Variants in DNAH14 observed in about 807,000 individuals in gnomAD.
DNAH14 encodes axonemal beta dynein heavy chain 14.
A neutral mutation model predicts 520.9 loss-of-function variants in DNAH14; 478 were observed. The observed-to-expected ratio is 0.92, with a 90% CI of 0.85 to 0.99. The LOEUF (loss-of-function observed/expected upper bound fraction) is 0.99. Ranked by LOEUF, DNAH14 falls within the 50% of genes least tolerant of loss-of-function variation. The pLI is 0.00. For synonymous variants in DNAH14, 1,581 were observed against 1,757.2 expected (o/e 0.90, Z 2.51); for missense variants, 4,831 against 5,234.5 (o/e 0.92, Z 2.38).
intron 46 of DNAH14, among the ~76,000 whole-genome samples, chr1:225,262,307 T>C (rs1235828400): frequency 2.6e-5 from 4 of 151,932 alleles, no homozygotes; most frequent in Non-Finnish European, 5.9e-5. Context: ...GTGTACTCTG[T>C]TTATTATTTC....
Position 225,079,676 on chromosome 1 carries a change from T to C in DNAH14, c.2766+128T>C, listed in dbSNP as rs903156304. The stretch of plus-strand genomic sequence containing the variant: ...AAATAGTTTAATACAAGTATTCTTT[T>C]TTTTTTTTTTTTTTTGAGATGGAGT... On this transcript the variant is annotated intron_variant, in intron 18 of 85. Coordinates refer to ENST00000682510, the MANE Select transcript of DNAH14 (RefSeq NM_001367479.1). The C allele has an allele frequency of 8.3e-6, 5 of 600,180 alleles. No homozygotes were observed. In the African/African-American group the frequency reaches 1.0e-4, roughly 12 times the overall value. 37.2% of individuals were successfully genotyped at this position (600,180 alleles called of 1,614,324 possible).
At chr1:225,084,812 A>AGTAT (rs1558905939) in intron 20 of DNAH14, among the ~76,000 whole-genome samples, 5 of 14,630 alleles carry the variant, frequency 3.4e-4, no homozygotes, top group African/African-American at 4.1e-4. Flanking sequence ...CACTTCACTG[A>AGTAT]AATTTTGCTT....
At chr1:225,007,111 C>T (rs948598729) in intron 9 of DNAH14, among the ~76,000 whole-genome samples, 1 of 152,148 alleles carries the variant, frequency 6.6e-6, no homozygotes, top group Admixed American at 6.5e-5. Context: ...AAAGTAGTTT[C>T]TGGGATTGGT....
chr1:225,235,513 ATC>A (rs2091511518), intron 42 of DNAH14, among the ~76,000 whole-genome samples: 1 of 151,706 alleles, frequency 6.6e-6, no homozygotes, highest in Non-Finnish European at 1.5e-5. Flanking sequence ...TTTTTGTTAT[ATC>A]TCTGCCAAGT....
chr1:225,210,089 C>T lies in DNAH14; in HGVS notation c.6439+2869C>T, dbSNP rs763925453. Among the ~76,000 whole-genome samples the T allele has an allele frequency of 1.3e-4, 20 of 151,894 alleles. No individual in the cohort carries two copies. The East Asian group carries it at 2.9e-3, about 22-fold the overall frequency. On this transcript the variant is annotated intron_variant, in intron 41 of 85. Coordinates refer to ENST00000682510, the MANE Select transcript of DNAH14 (RefSeq NM_001367479.1). ...ACTGGGTGGCTATTACGGCAGACACCGAGCTAGCTGCAGGAGTTTTTCTTC... is the reference window on the plus strand; with the variant it reads ...ACTGGGTGGCTATTACGGCAGACACTGAGCTAGCTGCAGGAGTTTTTCTTC...
At chr1:225,035,671 G>T (rs2066904721) in intron 11 of DNAH14, among the ~76,000 whole-genome samples, 1 of 151,668 alleles carries the variant, frequency 6.6e-6, no homozygotes, top group Admixed American at 6.6e-5. Flanking sequence ...GTTTTGTTTT[G>T]TTTTGTTTTG....
At position 225,252,488 on chromosome 1, in the gene DNAH14, A is replaced by G. The variant is rs2092591234; in HGVS notation, c.6865+71A>G. The G allele has an allele frequency of 9.8e-6, 8 of 817,644 alleles. 1 individual carries two copies. Among genetic ancestry groups the G allele is most frequent in the Admixed American group, 5.6e-5 (2 of 35,634 alleles). The allele number at this position is 817,644 out of a possible 1,614,324, so 50.6% of individuals were successfully genotyped here. On this transcript the variant is annotated intron_variant, in intron 44 of 85. Transcript: ENST00000682510. ...GTATACTCTATTCATAAAAGTAATT[A>G]TATCTACTCTATTTATAAAAGTAAT...
intron 71 of DNAH14, among the ~76,000 whole-genome samples, chr1:225,347,239 C>T (rs79179508): frequency 0.041 from 6,273 of 152,208 alleles, 185 homozygotes; most frequent in Middle Eastern, 0.075. Flanking sequence ...TCCCTTCCTT[C>T]ACAGAGATAC....
At chr1:225,220,017 A>G (rs2089880753) in intron 41 of DNAH14, among the ~76,000 whole-genome samples, 1 of 152,218 alleles carries the variant, frequency 6.6e-6, no homozygotes, top group African/African-American at 2.4e-5. Flanking sequence ...GCAAATCAAT[A>G]AACATAATAC....
chr1:224,977,939 C>T (rs528403125), intron 8 of DNAH14, among the ~76,000 whole-genome samples: 3 of 150,926 alleles, frequency 2.0e-5, no homozygotes, highest in Admixed American at 6.6e-5. Flanking sequence ...CCAATCAGGG[C>T]AATGCAAGTC....
intron 78 of DNAH14, among the ~76,000 whole-genome samples, chr1:225,376,556 C>T (rs2095704340): frequency 1.3e-5 from 2 of 152,206 alleles, no homozygotes; most frequent in Admixed American, 1.3e-4. Context: ...CATACAATTG[C>T]ATTGGCAGAA....
intron 69 of DNAH14, among the ~76,000 whole-genome samples, chr1:225,344,906 GT>G (rs2095263671): frequency 6.6e-6 from 1 of 151,936 alleles, no homozygotes; most frequent in Non-Finnish European, 1.5e-5. Context: ...GTAAAGAAGG[GT>G]TTTCACCATG....
At chr1:225,346,829 T>C (rs2095293333) in intron 71 of DNAH14, among the ~76,000 whole-genome samples, 175 bp downstream of exon 71, 1 of 152,142 alleles carries the variant, frequency 6.6e-6, no homozygotes, top group Admixed American at 6.5e-5. Flanking sequence ...ACATAAATGA[T>C]AATTACTATG....
Position 225,398,580 on chromosome 1 carries a change from T to A in DNAH14, c.13552T>A (p.Trp4518Arg), listed in dbSNP as rs542250428. The change falls in exon 85 of 86, where the codon TGG becomes AGG. Residue 4518 changes from tryptophan (W) to arginine (R), a missense_variant. Trp to Arg is a moderately radical substitution (Grantham distance 101). Transcript: ENST00000682510. ...TGGTTTATTCATCGAGGGGGCAAGA[T>A]GGAATCGTGAACAGAAAATACTGGA... ...IFGLFIEGAR[W>R]NREQKILEDS... The A allele has an allele frequency of 1.3e-6, 2 of 1,551,610 alleles. No homozygotes were observed. Among genetic ancestry groups the A allele is most frequent in the African/African-American group, 1.4e-5 (1 of 73,054 alleles).
At chr1:224,996,470 C>T (rs1387544816) in intron 8 of DNAH14, among the ~76,000 whole-genome samples, 1 of 152,134 alleles carries the variant, frequency 6.6e-6, no homozygotes, top group Non-Finnish European at 1.5e-5. Context: ...CATAGATTTT[C>T]TTTGGCAGAG....
chr1:225,172,250 C>A (rs527637567), intron 36 of DNAH14, among the ~76,000 whole-genome samples: 84 of 152,180 alleles, frequency 5.5e-4, no homozygotes, highest in Middle Eastern at 3.4e-3. Context: ...ATAGTGTTGG[C>A]AGTTCTGGCC....
In DNAH14 at chr1:225,346,646, G is replaced by A. The variant is rs7535953; in HGVS notation, c.11288G>A (p.Arg3763Lys). 684,549 of 1,539,904 alleles carry A rather than the reference G, an allele frequency of 0.44. 154,539 individuals are homozygous for A. The highest frequency in any genetic ancestry group is 0.62 in the African/African-American group (44,668 of 72,384). ...INIKSALSQSRLTSTFEIGES... is the reference protein window; with the variant it reads ...INIKSALSQSKLTSTFEIGES... The stretch of plus-strand genomic sequence containing the variant: ...ATTAAAAGTGCATTATCCCAGTCTA[G>A]ACTTACTAGTAAGTAAAAGTTACTA... Residue 3763 changes from arginine to lysine, a missense_variant, in exon 71 of 86, where the codon AGA (arginine) becomes AAA (lysine). Arg to Lys is a conservative substitution (Grantham distance 26). Transcript: ENST00000682510.
chr1:225,361,951 A>G (rs147529585), intron 75 of DNAH14, among the ~76,000 whole-genome samples: 1 of 152,264 alleles, frequency 6.6e-6, no homozygotes, highest in Non-Finnish European at 1.5e-5. Context: ...AAGATTGCTT[A>G]GTTACATGAC....
At chr1:225,191,232 C>T (rs1306814287) in intron 37 of DNAH14, among the ~76,000 whole-genome samples, 1 of 151,794 alleles carries the variant, frequency 6.6e-6, no homozygotes, top group Admixed American at 6.6e-5. Context: ...TTATTCATAC[C>T]TTCAGCATTT....
Sources: allele counts gnomAD v4.1 joint callset (sites outside exome capture counted in the v4.1 genomes callset), GRCh38; gene constraint gnomAD v4.1.1; transcripts MANE v1.5; gene names NCBI Gene and HGNC (gene_info 2026-07-23, HGNC 2026-07-21).